The following WRN variants were observed in gnomAD, a reference collection of about 807,000 sequenced individuals.
WRN encodes the protein bifunctional 3'-5' exonuclease/ATP-dependent helicase WRN.
WRN carries 149 observed loss-of-function variants against 180.7 expected under a neutral mutation model. The ratio of observed to expected loss-of-function variants is 0.82; its 90% confidence interval spans 0.72 to 0.94. The LOEUF is 0.94. WRN is among the 40% of genes least tolerant of loss of function. WRN has a pLI of 0.00. For synonymous variants in WRN, 548 were observed against 568.9 expected, an observed-to-expected ratio of 0.96 and a Z score of 0.52; for missense variants, 1,661 against 1,700.1, an observed-to-expected ratio of 0.98 and a Z score of 0.40.
intron 3 of WRN, among the ~76,000 whole-genome samples, chr8:31,063,249 G>A (rs910989661): frequency 1.3e-5 from 2 of 152,096 alleles, no homozygotes; most frequent in East Asian, 1.9e-4. Flanking sequence ...TCTGTAACTT[G>A]TCTTTTTTAC....
Position 31,096,853 on chromosome 8 carries a change from A to T in WRN, c.1981+3A>T. On this transcript the variant is annotated splice_donor_region_variant and intron_variant, in intron 17 of 34. Coordinates refer to ENST00000298139, the MANE Select transcript of WRN (RefSeq NM_000553.6). Reference sequence around the variant, plus strand: ...CCAGCAACTTGAGGCTGATATTGGTAAGTGATAAAGAAAGATCTCTGTAAA... The same window carrying T: ...CCAGCAACTTGAGGCTGATATTGGTTAGTGATAAAGAAAGATCTCTGTAAA... 6.2e-7 allele frequency: 1 copy of T among 1,612,122 alleles called. No homozygotes were observed. Among genetic ancestry groups the T allele is most frequent in the Non-Finnish European group, 8.5e-7 (1 of 1,178,656 alleles).
chr8:31,101,787 C>CAAAAA (rs60342321), intron 18 of WRN, among the ~76,000 whole-genome samples: 3 of 42,054 alleles, frequency 7.1e-5, no homozygotes, highest in Non-Finnish European at 9.4e-5. Context: ...AACTCTGTCT[C>CAAAAA]AAAAAAAAAA....
At position 31,124,837 on chromosome 8, in the gene WRN, T is replaced by C. The variant is rs980274592; in HGVS notation, c.2733-71T>C. The C allele has an allele frequency of 1.0e-5, 15 of 1,461,346 alleles. No homozygotes were observed. The Admixed American group carries it at 1.0e-4, about 10-fold the overall frequency. 90.5% of individuals were successfully genotyped at this position (1,461,346 alleles called of 1,614,324 possible). On this transcript the variant is annotated intron_variant, in intron 22 of 34. Coordinates refer to ENST00000298139, the MANE Select transcript of WRN (RefSeq NM_000553.6). ...ATCAATTAATGGTGATTTTACCTCA[T>C]TATTTTCAGGAATGAACTTAACATA...
At chr8:31,126,179 T>G (rs913754594) in intron 23 of WRN, among the ~76,000 whole-genome samples, 2 of 152,094 alleles carry the variant, frequency 1.3e-5, no homozygotes, top group Non-Finnish European at 2.9e-5. Context: ...TTTTAGAACA[T>G]TCTACCCAAC....
chr8:31,094,904 T>C (rs1007498009), intron 16 of WRN, among the ~76,000 whole-genome samples: 6 of 152,234 alleles, frequency 3.9e-5, no homozygotes, highest in Admixed American at 2.0e-4. Context: ...TTGGCTGTTA[T>C]GAATAATGAT....
At chr8:31,145,814 T>C (rs1399214363) in intron 28 of WRN, among the ~76,000 whole-genome samples, 1 of 152,098 alleles carries the variant, frequency 6.6e-6, no homozygotes, top group Non-Finnish European at 1.5e-5. Context: ...AATAGGAATT[T>C]GGAAGAAGTC....
chr8:31,095,807 C>T (rs765837943), intron 16 of WRN, among the ~76,000 whole-genome samples: 3 of 152,186 alleles, frequency 2.0e-5, no homozygotes, highest in South Asian at 2.1e-4. Flanking sequence ...AATCAGGTAG[C>T]GCAAGGCCTC....
intron 33 of WRN, among the ~76,000 whole-genome samples, chr8:31,163,262 T>A (rs1183426256): frequency 6.6e-6 from 1 of 152,230 alleles, no homozygotes; most frequent in East Asian, 1.9e-4. Flanking sequence ...ATTGACAGCA[T>A]CTGTTTTATT....
chr8:31,053,543 A>G (rs929296821), intron 1 of WRN, among the ~76,000 whole-genome samples: 7 of 152,216 alleles, frequency 4.6e-5, no homozygotes, highest in Admixed American at 4.6e-4. Context: ...CGAAAAGGAA[A>G]AATTTAAATT....
intron 3 of WRN, among the ~76,000 whole-genome samples, chr8:31,063,319 A>T (rs1812564204): frequency 6.6e-6 from 1 of 152,270 alleles, no homozygotes; most frequent in South Asian, 2.1e-4. Context: ...TTTAACTGTT[A>T]TATCTTACTA....
chr8:31,096,509 G>C (rs1813983331), intron 16 of WRN, among the ~76,000 whole-genome samples: 1 of 152,006 alleles, frequency 6.6e-6, no homozygotes, highest in African/African-American at 2.4e-5. Context: ...ACTGGAATTG[G>C]GTTTGGAAAA....
intron 1 of WRN, among the ~76,000 whole-genome samples, chr8:31,035,197 A>G (rs1811403942): frequency 6.6e-6 from 1 of 152,236 alleles, no homozygotes; most frequent in Non-Finnish European, 1.5e-5. Context: ...TTTTAGTGGA[A>G]AGAGACAGGC....
chr8:31,094,643 G>A (rs916174286), intron 16 of WRN, among the ~76,000 whole-genome samples: 13 of 152,020 alleles, frequency 8.6e-5, no homozygotes, highest in Admixed American at 3.3e-4. Context: ...CACTCTGCCC[G>A]GCCTATTATC....
At chr8:31,071,644 G>A (rs775294420) in intron 7 of WRN, among the ~76,000 whole-genome samples, 1 of 152,072 alleles carries the variant, frequency 6.6e-6, no homozygotes, top group Non-Finnish European at 1.5e-5. Context: ...ACCACGCCCA[G>A]CTAATTTTTG....
intron 19 of WRN, among the ~76,000 whole-genome samples, chr8:31,113,565 TCTC>T (rs1284891274): frequency 6.6e-6 from 1 of 152,162 alleles, no homozygotes; most frequent in Admixed American, 6.5e-5. Context: ...CAGATCATTA[TCTC>T]CTCCTAATCT....
At chr8:31,169,534 AG>A (rs1804026229) in intron 34 of WRN, among the ~76,000 whole-genome samples, 2 of 152,210 alleles carry the variant, frequency 1.3e-5, no homozygotes, top group South Asian at 4.2e-4. Flanking sequence ...GAAAGGCTAC[AG>A]TTTTATTCTG....
chr8:31,039,332 T>A (rs1811561697), intron 1 of WRN, among the ~76,000 whole-genome samples: 1 of 152,202 alleles, frequency 6.6e-6, no homozygotes, highest in African/African-American at 2.4e-5. Flanking sequence ...GCTGCTATTG[T>A]AAATGCAGTT....
chr8:31,069,812 A>G (rs1270688970), intron 7 of WRN, among the ~76,000 whole-genome samples: 1 of 152,174 alleles, frequency 6.6e-6, no homozygotes, highest in Non-Finnish European at 1.5e-5. Flanking sequence ...TACTTAACTC[A>G]TAATAAAACT....
In WRN at chr8:31,163,320, T is replaced by TG. The variant is rs11574387; in HGVS notation, c.3983-3701dup. Among the ~76,000 whole-genome samples the TG allele has an allele frequency of 2.6e-5, 4 of 152,366 alleles. No homozygotes were observed. The East Asian group carries it at 5.8e-4, about 22-fold the overall frequency. The stretch of plus-strand genomic sequence containing the variant: ...CACTGTTAATTTGCTTTTTAAATCA[T>TG]GTAGGCACAAAGTTATCGAACTTTA... On this transcript the variant is annotated intron_variant, in intron 33 of 34. Coordinates refer to ENST00000298139, the MANE Select transcript of WRN (RefSeq NM_000553.6).
Sources: gnomAD v4.1 joint callset for allele counts (sites outside exome capture counted in the v4.1 genomes callset) on GRCh38, gnomAD v4.1.1 for gene constraint, MANE v1.5 for transcripts, NCBI Gene and HGNC (gene_info 2026-07-23, HGNC 2026-07-21) for gene names.